The following TFB1M variants were observed in gnomAD, a reference collection of about 807,000 sequenced individuals.
TFB1M encodes the protein dimethyladenosine transferase 1, mitochondrial.
TFB1M carries 27 observed loss-of-function variants against 31.1 expected under a neutral mutation model. The observed-to-expected ratio is 0.87, with a 90% CI of 0.64 to 1.20. TFB1M has a LOEUF of 1.20. Ranked by LOEUF, TFB1M falls within the 50% of genes most tolerant of loss-of-function variation. The pLI, the probability that TFB1M is intolerant of heterozygous loss-of-function variation, is 0.00. For synonymous variants in TFB1M, 166 were observed against 151.8 expected, an observed-to-expected ratio of 1.09 and a Z score of -0.69; for missense variants, 394 against 418.7, an observed-to-expected ratio of 0.94 and a Z score of 0.51.
chr6:155,239,176 A>C, the TFB1M span, among the ~76,000 whole-genome samples: 1 of 152,260 alleles, frequency 6.6e-6, no homozygotes, highest in South Asian at 2.1e-4. Context: ...TTCTTACCCA[A>C]GACAGAGATG....
chr6:155,289,759 C>T (rs1554255348), intron 4 of TFB1M, among the ~76,000 whole-genome samples: 2 of 152,156 alleles, frequency 1.3e-5, no homozygotes, highest in Non-Finnish European at 2.9e-5. Context: ...TGTCCCTGCC[C>T]AAATCTCGCC....
intron 5 of TFB1M, among the ~76,000 whole-genome samples, chr6:155,263,222 T>A (rs9383748): frequency 6.6e-6 from 1 of 152,000 alleles, no homozygotes; most frequent in Admixed American, 6.5e-5. Context: ...TACAAAAATG[T>A]TTTTTACTTA....
the TFB1M span, chr6:155,244,069 C>T: frequency 6.2e-7 from 1 of 1,613,968 alleles, no homozygotes; most frequent in South Asian, 1.1e-5. Context: ...ACCTTTCTTA[C>T]CCAAGATGAG....
In TFB1M at chr6:155,257,798, A is replaced by T. The variant is rs766217558; in HGVS notation, c.*38T>A. 4 of 1,613,324 alleles carry T rather than the reference A, an allele frequency of 2.5e-6. No individual in the cohort carries two copies. Among genetic ancestry groups the T allele is most frequent in the Non-Finnish European group, 3.4e-6 (4 of 1,179,720 alleles). On this transcript the variant is annotated 3_prime_UTR_variant, in exon 7 of 7. Coordinates refer to ENST00000367166, the MANE Select transcript of TFB1M (RefSeq NM_016020.4). ...TATATAAGAAGCTCCACGTAGTGCA[A>T]ATCGACATCTGGTAGGCTGCTCGCC...
chr6:155,289,059 C>G (rs528639704), intron 4 of TFB1M, among the ~76,000 whole-genome samples: 1 of 144,284 alleles, frequency 6.9e-6, no homozygotes, highest in South Asian at 2.2e-4. Context: ...TTTACAAGGA[C>G]AGTGGTTTTT....
chr6:155,277,915 CT>C (rs1482363839), intron 5 of TFB1M, among the ~76,000 whole-genome samples: 1 of 152,134 alleles, frequency 6.6e-6, no homozygotes, highest in Admixed American at 6.5e-5. Flanking sequence ...TCTATGTAGC[CT>C]TTAGTCCTAC....
intron 5 of TFB1M, among the ~76,000 whole-genome samples, chr6:155,280,685 T>A (rs1028469751): frequency 6.6e-6 from 1 of 152,190 alleles, no homozygotes; most frequent in Non-Finnish European, 1.5e-5. Flanking sequence ...CCAAAATGAT[T>A]CTTGAATACA....
At position 155,257,085 on chromosome 6, in the gene TFB1M, G is replaced by GTGTT. The variant is rs1562380448; in HGVS notation, c.*747_*750dup. On this transcript the variant is annotated 3_prime_UTR_variant, in exon 7 of 7. Transcript: ENST00000367166. The stretch of plus-strand genomic sequence containing the variant: ...GTTTAACATCTGTTGTCAGTGAGGA[G>GTGTT]TGTTTTTATGAAACAGAGAGCCACG... The GTGTT allele has an allele frequency of 6.2e-7, 1 of 1,604,020 alleles. No homozygotes were observed. The highest frequency in any genetic ancestry group is 8.5e-7 in the Non-Finnish European group (1 of 1,173,752).
Position 155,257,727 on chromosome 6 carries a change from G to A in TFB1M, c.*109C>T. The A allele has an allele frequency of 7.5e-7, 1 of 1,326,582 alleles. No individual in the cohort carries two copies. The highest frequency in any genetic ancestry group is 1.1e-6 in the Non-Finnish European group (1 of 942,686). 82.2% of individuals were successfully genotyped at this position (1,326,582 alleles called of 1,614,324 possible). On this transcript the variant is annotated 3_prime_UTR_variant, in exon 7 of 7. Transcript: ENST00000367166. ...AGTAAAAGGAAAATAAGTCACATCT[G>A]GTCATTGGCATTTGTATCGTCATTC...
the TFB1M span, among the ~76,000 whole-genome samples, chr6:155,231,894 A>G: frequency 6.6e-6 from 1 of 152,172 alleles, no homozygotes; most frequent in Non-Finnish European, 1.5e-5. Flanking sequence ...GACCAACATG[A>G]TGAAACTGAA....
chr6:155,287,532 ACTC>A (rs112582689), intron 4 of TFB1M, among the ~76,000 whole-genome samples: 10,718 of 140,700 alleles, frequency 0.076, 477 homozygotes, highest in East Asian at 0.19. Context: ...TGAAAAGACT[ACTC>A]CTATCATTTA....
chr6:155,256,409 C>T lies in TFB1M; in HGVS notation c.*1427G>A. 1.9e-6 allele frequency: 3 copies of T among 1,591,396 alleles called. No homozygotes were observed. The highest frequency in any genetic ancestry group is 1.7e-6 in the Non-Finnish European group (2 of 1,169,010). ...TAAAATCTTAATGTTAAATCTTACACAAGCTTTGAGGCAAACATTACACAT... is the reference window on the plus strand; with the variant it reads ...TAAAATCTTAATGTTAAATCTTACATAAGCTTTGAGGCAAACATTACACAT... On this transcript the variant is annotated 3_prime_UTR_variant, in exon 7 of 7. Coordinates refer to ENST00000367166, the MANE Select transcript of TFB1M (RefSeq NM_016020.4).
intron 4 of TFB1M, among the ~76,000 whole-genome samples, chr6:155,288,257 T>C (rs1461225034): frequency 6.6e-6 from 1 of 152,194 alleles, no homozygotes; most frequent in Non-Finnish European, 1.5e-5. Context: ...GTCTGGCTCT[T>C]GTCTGTTTGG....
downstream of TFB1M, chr6:155,253,110 G>A (rs1783772063): frequency 7.0e-7 from 1 of 1,421,128 alleles, no homozygotes; most frequent in East Asian, 2.3e-5. Context: ...CTTAACTGTG[G>A]AATGTAAATT....
intron 5 of TFB1M, among the ~76,000 whole-genome samples, chr6:155,262,956 T>C (rs1784459282): frequency 6.6e-6 from 1 of 152,190 alleles, no homozygotes; most frequent in East Asian, 1.9e-4. Context: ...CTCTGTTAAG[T>C]TGGCTTATAT....
chr6:155,231,700 G>A, the TFB1M span, among the ~76,000 whole-genome samples: 1 of 152,228 alleles, frequency 6.6e-6, no homozygotes. Flanking sequence ...GTAGCCCAGG[G>A]TAGCTGCAGC....
the TFB1M span, chr6:155,245,755 G>GTTTGTT: frequency 9.8e-7 from 1 of 1,022,126 alleles, no homozygotes; most frequent in Non-Finnish European, 1.4e-6. Context: ...GCCTTTTATA[G>GTTTGTT]TTTTTTTTTT....
At chr6:155,277,938 T>C (rs1336065412) in intron 5 of TFB1M, among the ~76,000 whole-genome samples, 1 of 152,236 alleles carries the variant, frequency 6.6e-6, no homozygotes, top group Non-Finnish European at 1.5e-5. Flanking sequence ...GTAAAAGTTA[T>C]CTTTATATCT....
intron 5 of TFB1M, among the ~76,000 whole-genome samples, chr6:155,268,946 TAAAAAAAAAAAAAAGAA>T (rs1784791650): frequency 2.2e-5 from 1 of 46,452 alleles, no homozygotes; most frequent in Non-Finnish European, 4.8e-5. Context: ...AATGATCAAT[TAAAAAAAAAAAAAAGAA>T]AAAAGAAAAA....
Sources: allele counts gnomAD v4.1 joint callset (sites outside exome capture counted in the v4.1 genomes callset), GRCh38; gene constraint gnomAD v4.1.1; transcripts MANE v1.5; gene names NCBI Gene and HGNC (gene_info 2026-07-23, HGNC 2026-07-21).